The following RAB31 variants were observed in gnomAD, a reference collection of about 807,000 sequenced individuals.
RAB31 encodes the protein ras-related protein Rab-31.
RAB31 carries 21 observed loss-of-function variants against 25.6 expected under a neutral mutation model. That is an observed-to-expected ratio of 0.82 (90% CI 0.58 to 1.18). RAB31 has a LOEUF of 1.18. Ranked by LOEUF, RAB31 falls within the 50% of genes most tolerant of loss-of-function variation. The pLI, the probability that RAB31 is intolerant of heterozygous loss-of-function variation, is 0.00. For missense variants in RAB31, 196 were observed against 250.1 expected (o/e 0.78, Z 1.46); for synonymous variants, 87 against 84.0 (o/e 1.04, Z -0.20).
intron 3 of RAB31, among the ~76,000 whole-genome samples, chr18:9,798,032 A>C (rs1052113573): frequency 1.3e-5 from 2 of 152,242 alleles, no homozygotes; most frequent in Non-Finnish European, 1.5e-5. Flanking sequence ...TGACTTTTAG[A>C]GGTTGTAGAC....
intron 2 of RAB31, among the ~76,000 whole-genome samples, chr18:9,781,370 A>C (rs1313853782): frequency 6.6e-6 from 1 of 152,042 alleles, no homozygotes; most frequent in Non-Finnish European, 1.5e-5. Flanking sequence ...ATGCTGGAGC[A>C]CAGTGACGCG....
At chr18:9,838,993 C>T (rs1433729439) in intron 5 of RAB31, among the ~76,000 whole-genome samples, 1 of 152,202 alleles carries the variant, frequency 6.6e-6, no homozygotes, top group Non-Finnish European at 1.5e-5. Context: ...GTCATCTAGT[C>T]ATTCAGCAGA....
At chr18:9,857,735 T>C (rs892641923) in intron 6 of RAB31, among the ~76,000 whole-genome samples, 33 of 151,442 alleles carry the variant, frequency 2.2e-4, no homozygotes, top group African/African-American at 7.8e-4. Flanking sequence ...TAGATATAGA[T>C]ATTCATTTTA....
At chr18:9,715,836 T>C (rs1307230429) in intron 1 of RAB31, among the ~76,000 whole-genome samples, 1 of 152,224 alleles carries the variant, frequency 6.6e-6, no homozygotes, top group Non-Finnish European at 1.5e-5. Flanking sequence ...CCAGCCTGTC[T>C]TTCTGTTTAT....
chr18:9,722,609 A>T (rs1418249342), intron 1 of RAB31: 1 of 152,144 alleles, frequency 6.6e-6, no homozygotes, highest in South Asian at 2.1e-4. Context: ...TACCCTTATT[A>T]TTTGTGTATA....
At chr18:9,830,629 G>A (rs2068673298) in intron 5 of RAB31, 1 of 152,156 alleles carries the variant, frequency 6.6e-6, no homozygotes, top group African/African-American at 2.4e-5. Context: ...ATGCCAGGCT[G>A]TGTTGTTTTT....
In RAB31 at chr18:9,859,302, C is replaced by A. The variant is rs775825040; in HGVS notation, c.565C>A (p.Gln189Lys). 1.2e-6 allele frequency: 2 copies of A among 1,613,238 alleles called. No homozygotes were observed. The highest frequency in any genetic ancestry group is 1.7e-6 in the Non-Finnish European group (2 of 1,179,354). Residue 189 changes from glutamine to lysine, a missense_variant, in exon 7 of 7, where the codon CAA becomes AAA. Coordinates refer to ENST00000578921, the MANE Select transcript of RAB31 (RefSeq NM_006868.4). ...GTIKVEKPTM[Q>K]ASRRCC ...AATCAAAGTTGAGAAGCCAACCATG[C>A]AAGCCAGCCGCCGGTGCTGTTGACC... is the stretch of plus-strand genomic sequence containing the variant.
intron 1 of RAB31, among the ~76,000 whole-genome samples, chr18:9,719,245 G>A (rs376815584): frequency 2.5e-5 from 3 of 117,676 alleles, no homozygotes; most frequent in South Asian, 3.0e-4. Context: ...ACTCCAGCCC[G>A]GGTGACAGAG....
At chr18:9,839,244 A>C (rs959593508) in intron 5 of RAB31, among the ~76,000 whole-genome samples, 1 of 152,092 alleles carries the variant, frequency 6.6e-6, no homozygotes, top group African/African-American at 2.4e-5. Context: ...GAACAGGGAG[A>C]AGTGGGTGCA....
At chr18:9,850,992 GT>G (rs1267025364) in intron 6 of RAB31, among the ~76,000 whole-genome samples, 60 of 152,216 alleles carry the variant, frequency 3.9e-4, no homozygotes, top group African/African-American at 1.4e-3. Flanking sequence ...TAGTGATCAT[GT>G]CTTGTTCTGG....
chr18:9,759,739 A>G (rs188174640), intron 1 of RAB31, among the ~76,000 whole-genome samples: 2 of 152,280 alleles, frequency 1.3e-5, no homozygotes, highest in African/African-American at 2.4e-5. Flanking sequence ...GTTTCCATAC[A>G]TGGTCGGGCC....
intron 3 of RAB31, among the ~76,000 whole-genome samples, chr18:9,804,924 T>C (rs539214143): frequency 1.4e-4 from 22 of 152,158 alleles, no homozygotes; most frequent in Non-Finnish European, 2.8e-4. Context: ...ACACGCTCAG[T>C]GGCTTAAAAC....
intron 3 of RAB31, among the ~76,000 whole-genome samples, chr18:9,813,668 A>C (rs757448522): frequency 1.2e-4 from 19 of 152,136 alleles, no homozygotes; most frequent in Non-Finnish European, 2.1e-4. Context: ...CCTGGCCAGC[A>C]TGGTGAAACT....
intron 3 of RAB31, among the ~76,000 whole-genome samples, chr18:9,812,284 C>A (rs941876952): frequency 5.3e-5 from 8 of 152,320 alleles, no homozygotes; most frequent in Non-Finnish European, 1.2e-4. Context: ...TTCCCATTTA[C>A]TCCCATAAAC....
At chr18:9,777,041 AT>A (rs1159681792) in intron 2 of RAB31, among the ~76,000 whole-genome samples, 3 of 152,092 alleles carry the variant, frequency 2.0e-5, no homozygotes, top group Non-Finnish European at 2.9e-5. Context: ...TTATTGCAAA[AT>A]TTAAAAAAAT....
intron 3 of RAB31, among the ~76,000 whole-genome samples, chr18:9,803,857 G>C (rs965610004): frequency 6.6e-5 from 10 of 152,248 alleles, no homozygotes; most frequent in African/African-American, 1.9e-4. Context: ...CCCCAGAACT[G>C]TCGTGCCATT....
chr18:9,719,298 AATATATATATATATAT>A (rs71168101), intron 1 of RAB31, among the ~76,000 whole-genome samples: 4 of 23,108 alleles, frequency 1.7e-4, no homozygotes, highest in African/African-American at 4.9e-4. Flanking sequence ...AAAAAAAAAA[AATATATATATATATAT>A]ATATATATAT....
intron 5 of RAB31, among the ~76,000 whole-genome samples, chr18:9,818,396 G>T (rs1050475411): frequency 6.6e-6 from 1 of 152,060 alleles, no homozygotes; most frequent in African/African-American, 2.4e-5. Flanking sequence ...TCCAGCCCTG[G>T]TAATCACTAA....
At chr18:9,829,282 A>G (rs1364577139) in intron 5 of RAB31, among the ~76,000 whole-genome samples, 1 of 152,008 alleles carries the variant, frequency 6.6e-6, no homozygotes, top group Non-Finnish European at 1.5e-5. Context: ...CAAGCAGTAG[A>G]TTTGCCCGTT....
Sources: allele counts gnomAD v4.1 joint callset (sites outside exome capture counted in the v4.1 genomes callset), GRCh38; gene constraint gnomAD v4.1.1; transcripts MANE v1.5; gene names NCBI Gene and HGNC (gene_info 2026-07-23, HGNC 2026-07-21).